Variants in GCNT2 observed in about 807,000 individuals in gnomAD.
GCNT2 encodes the protein glucosaminyl (N-acetyl) transferase 2 (I blood group).
Under a neutral mutation model 34.2 loss-of-function variants are expected in GCNT2, and 34 were observed. That is an observed-to-expected ratio of 1.00 (90% confidence interval 0.76 to 1.32). The LOEUF is 1.32. Among genes scored for constraint, GCNT2 ranks in the 40% most tolerant of loss-of-function variants. The pLI is 0.00. For synonymous variants in GCNT2, 212 were observed against 188.0 expected (o/e 1.13, Z -1.04); for missense variants, 584 against 489.4 (o/e 1.19, Z -1.82).
intron 3 of GCNT2, among the ~76,000 whole-genome samples, chr6:10,559,579 C>T (rs1273566302): frequency 6.6e-6 from 1 of 152,224 alleles, no homozygotes; most frequent in East Asian, 1.9e-4. Flanking sequence ...ACCTCCCACG[C>T]TGCTAGTGGG....
At chr6:10,562,656 GAAAAAAA>G (rs57868433) in intron 3 of GCNT2, among the ~76,000 whole-genome samples, 6 of 77,524 alleles carry the variant, frequency 7.7e-5, no homozygotes, top group Admixed American at 3.0e-4. Context: ...GAACTTCTCT[GAAAAAAA>G]AAAAAAAAAA....
At chr6:10,552,845 A>G (rs1454245060) in intron 3 of GCNT2, among the ~76,000 whole-genome samples, 1 of 152,176 alleles carries the variant, frequency 6.6e-6, no homozygotes, top group African/African-American at 2.4e-5. Flanking sequence ...TCCCTGAGTC[A>G]TTTGACTTCT....
At chr6:10,565,422 CCT>C in intron 3 of GCNT2, among the ~76,000 whole-genome samples, 1 of 152,300 alleles carries the variant, frequency 6.6e-6, no homozygotes, top group East Asian at 1.9e-4. Context: ...TGCAAGTCCG[CCT>C]TTCTTCATGG....
intron 3 of GCNT2, among the ~76,000 whole-genome samples, chr6:10,603,557 C>T (rs1765168806): frequency 6.6e-6 from 1 of 152,290 alleles, no homozygotes; most frequent in Middle Eastern, 3.4e-3. Context: ...TCTCTGTTGC[C>T]CAGGCTGGAG....
At chr6:10,526,025 T>G (rs1373016181) in intron 1 of GCNT2, among the ~76,000 whole-genome samples, 1 of 152,220 alleles carries the variant, frequency 6.6e-6, no homozygotes, top group Non-Finnish European at 1.5e-5. Flanking sequence ...ACATTTTCAT[T>G]TAATCATTCC....
intron 3 of GCNT2, among the ~76,000 whole-genome samples, chr6:10,577,264 G>A (rs2127403026): frequency 6.6e-6 from 1 of 152,340 alleles, no homozygotes; most frequent in East Asian, 1.9e-4. Flanking sequence ...CAGCCATGTA[G>A]GGCAGGGGGT....
intron 3 of GCNT2, among the ~76,000 whole-genome samples, chr6:10,614,835 G>C (rs138439031): frequency 9.2e-5 from 14 of 152,182 alleles, no homozygotes; most frequent in Middle Eastern, 3.4e-3. Context: ...CTTGCATTGG[G>C]AATGGACGCG....
chr6:10,602,279 C>T (rs1765120776), intron 3 of GCNT2, among the ~76,000 whole-genome samples: 1 of 152,158 alleles, frequency 6.6e-6, no homozygotes, highest in Non-Finnish European at 1.5e-5. Context: ...GTTCCTGGTA[C>T]TCCTAGGACC....
At chr6:10,614,312 A>C (rs1765674505) in intron 3 of GCNT2, among the ~76,000 whole-genome samples, 1 of 151,956 alleles carries the variant, frequency 6.6e-6, no homozygotes, top group Non-Finnish European at 1.5e-5. Context: ...GGGCAAATTG[A>C]AATGGGTTGG....
intron 3 of GCNT2, among the ~76,000 whole-genome samples, chr6:10,602,773 G>T (rs1765139432): frequency 6.6e-6 from 1 of 152,162 alleles, no homozygotes; most frequent in Admixed American, 6.5e-5. Flanking sequence ...GTGCAGCCTG[G>T]TGCCTTGTTT....
intron 3 of GCNT2, among the ~76,000 whole-genome samples, chr6:10,558,363 TTGAGC>T (rs1245749618): frequency 2.6e-5 from 4 of 152,198 alleles, no homozygotes; most frequent in African/African-American, 9.6e-5. Flanking sequence ...TAAGACATTG[TTGAGC>T]TGAGAAATAT....
At chr6:10,591,469 T>G (rs73434934) in intron 3 of GCNT2, among the ~76,000 whole-genome samples, 11,267 of 152,242 alleles carry the variant, frequency 0.074, 1,357 homozygotes, top group African/African-American at 0.26. Flanking sequence ...GAGCCCCACT[T>G]TATTCCAGAT....
At chr6:10,573,134 C>A (rs1020412262) in intron 3 of GCNT2, 4 of 953,322 alleles carry the variant, frequency 4.2e-6, no homozygotes, top group Non-Finnish European at 5.0e-6. Context: ...TGAAAGTGTT[C>A]GGAAGATATA....
intron 3 of GCNT2, among the ~76,000 whole-genome samples, chr6:10,579,092 A>G (rs1286574039): frequency 1.3e-5 from 2 of 152,124 alleles, no homozygotes; most frequent in African/African-American, 2.4e-5. Flanking sequence ...GTGTTTCTAT[A>G]TGTTCATTGG....
At chr6:10,535,365 T>G (rs544641516) in intron 3 of GCNT2, among the ~76,000 whole-genome samples, 17 of 152,334 alleles carry the variant, frequency 1.1e-4, no homozygotes, top group Non-Finnish European at 1.9e-4. Context: ...GTTATGAAAT[T>G]AGGGCTTCCT....
chr6:10,586,097 G>C (rs757865819), intron 3 of GCNT2: 1 of 1,614,134 alleles, frequency 6.2e-7, no homozygotes, highest in South Asian at 1.1e-5. Context: ...ATGAGAAGCT[G>C]AACAGTTCCA....
chr6:10,545,208 G>T (rs1306902250), intron 3 of GCNT2, among the ~76,000 whole-genome samples: 1 of 151,978 alleles, frequency 6.6e-6, no homozygotes, highest in African/African-American at 2.4e-5. Flanking sequence ...TGAGCTGAAG[G>T]GTTCGTGCTG....
intron 3 of GCNT2, among the ~76,000 whole-genome samples, chr6:10,551,288 A>C (rs1294268577): frequency 6.6e-6 from 1 of 152,052 alleles, no homozygotes; most frequent in East Asian, 1.9e-4. Flanking sequence ...TTGCTGCATC[A>C]AAATCAGGTG....
intron 4 of GCNT2, among the ~76,000 whole-genome samples, chr6:10,622,117 AAGAAGGG>A (rs1561842981): frequency 6.6e-6 from 1 of 152,220 alleles, no homozygotes; most frequent in African/African-American, 2.4e-5. Flanking sequence ...TTACACTAGC[AAGAAGGG>A]TTCCCCTCCA....
Sources: gnomAD v4.1 joint callset for allele counts (sites outside exome capture counted in the v4.1 genomes callset) on GRCh38, gnomAD v4.1.1 for gene constraint, MANE v1.5 for transcripts, NCBI Gene and HGNC (gene_info 2026-07-23, HGNC 2026-07-21) for gene names.